The following PRR16 variants were observed in gnomAD, a reference collection of about 807,000 sequenced individuals.
PRR16 encodes protein Largen.
PRR16 carries 6 observed loss-of-function variants against 18.2 expected under a neutral mutation model. That is an observed-to-expected ratio of 0.33 (90% CI 0.18 to 0.65). The LOEUF (loss-of-function observed/expected upper bound fraction) is 0.65, where lower values mean the gene tolerates loss of function less well. PRR16 is among the 30% of genes least tolerant of loss of function. PRR16 has a pLI of 0.74. For synonymous variants in PRR16, 151 were observed against 147.8 expected (o/e 1.02, Z -0.16); for missense variants, 412 against 376.6 (o/e 1.09, Z -0.78).
chr5:120,769,089 T>A, the PRR16 span, among the ~76,000 whole-genome samples: 1 of 109,420 alleles, frequency 9.1e-6, no homozygotes, highest in Non-Finnish European at 2.2e-5. Flanking sequence ...TTCATGCCTT[T>A]ATTTTTTTTT....
chr5:120,555,658 T>C (rs1752384483), intron 1 of PRR16, among the ~76,000 whole-genome samples: 2 of 151,848 alleles, frequency 1.3e-5, no homozygotes, highest in African/African-American at 4.8e-5. Flanking sequence ...CACTTCCAAA[T>C]GCTATCACTT....
the PRR16 span, among the ~76,000 whole-genome samples, chr5:120,708,131 C>G: frequency 6.6e-6 from 1 of 152,166 alleles, no homozygotes; most frequent in Non-Finnish European, 1.5e-5. Context: ...TTTCTGATGA[C>G]AGTGAAAACG....
At chr5:120,782,683 T>G in the PRR16 span, among the ~76,000 whole-genome samples, 3 of 152,262 alleles carry the variant, frequency 2.0e-5, no homozygotes, top group African/African-American at 7.2e-5. Flanking sequence ...GTGGTACATC[T>G]AGAGAGACTG....
the PRR16 span, among the ~76,000 whole-genome samples, chr5:120,767,831 C>A: frequency 7.5e-3 from 1,136 of 151,548 alleles, 7 homozygotes; most frequent in Non-Finnish European, 0.012. Context: ...AATTCCAATA[C>A]CCCTTCCAAA....
intron 1 of PRR16, among the ~76,000 whole-genome samples, chr5:120,539,904 G>C (rs1200909628): frequency 1.3e-5 from 2 of 152,126 alleles, no homozygotes; most frequent in South Asian, 2.1e-4. Context: ...CATTTTTAGA[G>C]TCTATTGTGT....
intron 1 of PRR16, among the ~76,000 whole-genome samples, chr5:120,579,947 C>T (rs149178044): frequency 0.014 from 2,113 of 152,288 alleles, 35 homozygotes; most frequent in Non-Finnish European, 0.021. Flanking sequence ...AAGTCCTTCA[C>T]TTCCCTTGTT....
intron 1 of PRR16, among the ~76,000 whole-genome samples, chr5:120,575,819 A>C (rs913490107): frequency 7.2e-5 from 11 of 152,204 alleles, no homozygotes; most frequent in African/African-American, 2.7e-4. Flanking sequence ...CAAGAGAACA[A>C]AATGTAAAAA....
chr5:120,650,472 T>A (rs1239070157), intron 1 of PRR16, among the ~76,000 whole-genome samples: 1 of 100,452 alleles, frequency 1.0e-5, no homozygotes, highest in African/African-American at 3.8e-5. Flanking sequence ...ATGCCATCCC[T>A]CCCCCCTCCC....
At chr5:120,644,449 A>G (rs965535441) in intron 1 of PRR16, among the ~76,000 whole-genome samples, 2 of 152,094 alleles carry the variant, frequency 1.3e-5, no homozygotes, top group African/African-American at 4.8e-5. Context: ...TTATTAAAAG[A>G]ACCTCATGGG....
intron 1 of PRR16, among the ~76,000 whole-genome samples, chr5:120,498,902 AT>A (rs1488814262): frequency 4.6e-5 from 7 of 151,542 alleles, no homozygotes; most frequent in Non-Finnish European, 8.8e-5. Flanking sequence ...TTTAAATTAT[AT>A]TTTTCCCTGT....
chr5:120,649,242 T>C (rs1324615167), intron 1 of PRR16, among the ~76,000 whole-genome samples: 1 of 152,150 alleles, frequency 6.6e-6, no homozygotes, highest in East Asian at 1.9e-4. Flanking sequence ...GAAGTTAGTA[T>C]GAGTATTAAT....
At chr5:120,488,779 T>G (rs187669183) in intron 1 of PRR16, among the ~76,000 whole-genome samples, 1,683 of 152,308 alleles carry the variant, frequency 0.011, 14 homozygotes, top group East Asian at 0.033. Flanking sequence ...TTCTCTTGTG[T>G]GCATTTAGTG....
Position 120,670,186 on chromosome 5 carries a change from CTA to C in PRR16, c.160-15766_160-15765del, listed in dbSNP as rs548182118. Among the ~76,000 whole-genome samples, 13 of 152,028 alleles carry C rather than the reference CTA, an allele frequency of 8.6e-5. No individual in the cohort carries two copies. In the South Asian group the frequency reaches 2.7e-3, roughly 32 times the overall value. On this transcript the variant is annotated intron_variant, in intron 1 of 1. Transcript: ENST00000407149. ...ATTTTTAGAAGTTAGAAAAAATATTCTATGTTTTGCCTTTCTCAGTACCACAT... is the reference window on the plus strand; with the variant it reads ...ATTTTTAGAAGTTAGAAAAAATATTCTGTTTTGCCTTTCTCAGTACCACAT...
At chr5:120,670,258 A>G (rs1331552505) in intron 1 of PRR16, among the ~76,000 whole-genome samples, 6 of 152,156 alleles carry the variant, frequency 3.9e-5, no homozygotes, top group African/African-American at 9.6e-5. Context: ...AGTTTTGTTA[A>G]AATTAAACAA....
intron 1 of PRR16, among the ~76,000 whole-genome samples, chr5:120,617,554 C>A (rs1754554102): frequency 6.6e-6 from 1 of 152,006 alleles, no homozygotes; most frequent in African/African-American, 2.4e-5. Context: ...GATTTAACGT[C>A]CAAGGTATCA....
intron 1 of PRR16, among the ~76,000 whole-genome samples, chr5:120,664,133 T>G (rs916848617): frequency 4.6e-5 from 7 of 152,018 alleles, no homozygotes; most frequent in African/African-American, 1.7e-4. Context: ...ACCCTGTCTT[T>G]ACTAAAAATA....
chr5:120,635,578 A>G (rs578141172), intron 1 of PRR16, among the ~76,000 whole-genome samples: 2 of 152,286 alleles, frequency 1.3e-5, no homozygotes, highest in East Asian at 3.9e-4. Context: ...TCCCTTTATA[A>G]TTAAAAATCT....
At chr5:120,742,482 T>A in the PRR16 span, among the ~76,000 whole-genome samples, 1 of 151,398 alleles carries the variant, frequency 6.6e-6, no homozygotes, top group Non-Finnish European at 1.5e-5. Context: ...ATCTCTGAAT[T>A]TTTTAATTTT....
intron 1 of PRR16, among the ~76,000 whole-genome samples, chr5:120,559,726 T>A (rs1393656348): frequency 6.6e-6 from 1 of 151,954 alleles, no homozygotes; most frequent in East Asian, 1.9e-4. Flanking sequence ...TGGCGTTGAA[T>A]CTGTAGATTA....
Sources: gnomAD v4.1 joint callset for allele counts (sites outside exome capture counted in the v4.1 genomes callset) on GRCh38, gnomAD v4.1.1 for gene constraint, MANE v1.5 for transcripts, NCBI Gene and HGNC (gene_info 2026-07-23, HGNC 2026-07-21) for gene names.